Variants in MYO5B observed in about 807,000 individuals in gnomAD.
MYO5B encodes the protein myosin VB.
A neutral mutation model predicts 229.3 loss-of-function variants in MYO5B; 143 were observed. The observed-to-expected ratio is 0.62, with a 90% CI of 0.54 to 0.72. The LOEUF is 0.72. Among genes scored for constraint, MYO5B ranks in the 30% least tolerant of loss-of-function variants. The pLI is 0.00. For missense variants in MYO5B, 2,321 were observed against 2,331.0 expected (o/e 1.00, Z 0.09); for synonymous variants, 918 against 885.2 (o/e 1.04, Z -0.66).
In MYO5B at chr18:50,055,343, T is replaced by A. The variant is rs1255667011; in HGVS notation, c.63A>T (p.Val21=). The A allele has an allele frequency of 6.2e-7, 1 of 1,610,522 alleles. No homozygotes were observed. Among genetic ancestry groups the A allele is most frequent in the Non-Finnish European group, 8.5e-7 (1 of 1,178,588 alleles). Residue 21 remains valine (V), a synonymous_variant, in exon 2 of 40, where the codon GTA becomes GTT. Transcript: ENST00000285039. ...CCTTGGTTAACTCAGCTGAGCGCCA[T>A]ACCTCATCAGGGTCAGGGATCCAGA... ...TRVWIPDPDE[V]WRSAELTKDY...
At position 49,936,214 on chromosome 18, in the gene MYO5B, G is replaced by C. The variant is rs1216201411; in HGVS notation, c.2003+38C>G. ...CACCCTGTTCCACCTGAACCTCTAA[G>C]GCTGGGCTGGACAGGCTAATGCCCA... is the stretch of plus-strand genomic sequence containing the variant. On this transcript the variant is annotated intron_variant, in intron 16 of 39. Coordinates refer to ENST00000285039, the MANE Select transcript of MYO5B (RefSeq NM_001080467.3). 4 of 1,523,974 alleles carry C rather than the reference G, an allele frequency of 2.6e-6. No homozygotes were observed. The Admixed American group carries it at 7.7e-5, about 29-fold the overall frequency. 94.4% of individuals were successfully genotyped at this position (1,523,974 alleles called of 1,614,324 possible).
Position 49,994,148 on chromosome 18 carries a change from T to C in MYO5B, c.613-1717A>G, listed in dbSNP as rs554519317. Among the ~76,000 whole-genome samples, 7 of 152,224 alleles carry C rather than the reference T, an allele frequency of 4.6e-5. No homozygotes were observed. The South Asian group carries it at 1.2e-3, about 27-fold the overall frequency. On this transcript the variant is annotated intron_variant, in intron 5 of 39. Coordinates refer to ENST00000285039, the MANE Select transcript of MYO5B (RefSeq NM_001080467.3). ...AGCAAGCCTTCCCTGATCCCGAGAC[T>C]AGGGGAGCACCTCCTGCCATATGCT...
At chr18:50,173,964 G>A (rs780098609) in intron 1 of MYO5B, among the ~76,000 whole-genome samples, 2 of 152,134 alleles carry the variant, frequency 1.3e-5, no homozygotes, top group African/African-American at 4.8e-5. Flanking sequence ...GGCGTTTCTG[G>A]AAGAGATTGG....
chr18:50,151,968 C>T (rs905395349), intron 1 of MYO5B, among the ~76,000 whole-genome samples: 16 of 152,318 alleles, frequency 1.1e-4, no homozygotes, highest in Admixed American at 9.8e-4. Context: ...CCTGGGGGAA[C>T]ATCCGCCCCG....
At chr18:50,068,004 T>C (rs2030863870) in intron 1 of MYO5B, among the ~76,000 whole-genome samples, 1 of 123,696 alleles carries the variant, frequency 8.1e-6, no homozygotes, top group South Asian at 2.2e-4. Flanking sequence ...CATACATACA[T>C]ATATACACAC....
chr18:50,049,263 G>T (rs75479512), intron 2 of MYO5B, among the ~76,000 whole-genome samples: 7,482 of 152,130 alleles, frequency 0.049, 211 homozygotes, highest in African/African-American at 0.073. Flanking sequence ...TCAGACTCTG[G>T]CACATAATTG....
intron 17 of MYO5B, among the ~76,000 whole-genome samples, chr18:49,925,061 C>T (rs1320229894): frequency 6.6e-6 from 1 of 152,220 alleles, no homozygotes; most frequent in African/African-American, 2.4e-5. Context: ...CTAGTTCAGG[C>T]CATGCTGGGA....
At chr18:50,021,718 T>TAA (rs34172106) in intron 4 of MYO5B, among the ~76,000 whole-genome samples, 30,017 of 119,528 alleles carry the variant, frequency 0.25, 4,498 homozygotes, top group African/African-American at 0.37. Flanking sequence ...CCCATCTGCG[T>TAA]AAAAAAAAAA....
chr18:50,104,765 C>G (rs2031724420), intron 1 of MYO5B, among the ~76,000 whole-genome samples: 1 of 152,232 alleles, frequency 6.6e-6, no homozygotes, highest in Admixed American at 6.5e-5. Flanking sequence ...GGGGAAAATT[C>G]TTTTATCCAG....
intron 1 of MYO5B, among the ~76,000 whole-genome samples, chr18:50,060,762 C>T (rs2030667433): frequency 6.6e-6 from 1 of 152,134 alleles, no homozygotes; most frequent in African/African-American, 2.4e-5. Flanking sequence ...CCAACTATGA[C>T]AAGAGCCTGA....
chr18:50,158,279 G>A (rs1044129383), intron 1 of MYO5B, among the ~76,000 whole-genome samples: 1 of 152,166 alleles, frequency 6.6e-6, no homozygotes, highest in Non-Finnish European at 1.5e-5. Context: ...AGAAATAGAT[G>A]GAAGATCCCT....
chr18:49,920,106 A>C (rs928993758), intron 17 of MYO5B, among the ~76,000 whole-genome samples: 1 of 152,194 alleles, frequency 6.6e-6, no homozygotes, highest in African/African-American at 2.4e-5. Context: ...AATCCAAACT[A>C]GGCAAATCTA....
At chr18:50,103,999 TAAAA>T (rs34686037) in intron 1 of MYO5B, among the ~76,000 whole-genome samples, 3 of 131,846 alleles carry the variant, frequency 2.3e-5, no homozygotes, top group Non-Finnish European at 3.3e-5. Context: ...CCATCTCCAT[TAAAA>T]AAAAAAAAAA....
chr18:50,079,636 C>T (rs1427954379), intron 1 of MYO5B, among the ~76,000 whole-genome samples: 1 of 152,224 alleles, frequency 6.6e-6, no homozygotes, highest in Non-Finnish European at 1.5e-5. Context: ...TGGCTGACTC[C>T]TCTTCTGCAC....
At chr18:49,961,691 C>G (rs1246543577) in intron 12 of MYO5B, among the ~76,000 whole-genome samples, 1 of 152,210 alleles carries the variant, frequency 6.6e-6, no homozygotes, top group Non-Finnish European at 1.5e-5. Context: ...GAGCAGGAAA[C>G]CAGAGGCTAA....
intron 21 of MYO5B, among the ~76,000 whole-genome samples, chr18:49,899,315 G>A (rs1346219045): frequency 6.6e-6 from 1 of 152,152 alleles, no homozygotes; most frequent in Non-Finnish European, 1.5e-5. Context: ...AATGAAACAA[G>A]CCCCTATATA....
chr18:49,939,152 T>C (rs549918608), intron 14 of MYO5B, among the ~76,000 whole-genome samples: 21 of 147,600 alleles, frequency 1.4e-4, no homozygotes, highest in African/African-American at 4.2e-4. Flanking sequence ...TTTTTTCTTT[T>C]TTTTTTTTTT....
intron 14 of MYO5B, among the ~76,000 whole-genome samples, chr18:49,943,684 A>G (rs1790795): frequency 0.59 from 89,161 of 152,044 alleles, 26,633 homozygotes; most frequent in Middle Eastern, 0.73. Context: ...TTGTGCTAGG[A>G]ACTGGTAAAA....
At chr18:50,112,194 T>A (rs565894436) in intron 1 of MYO5B, among the ~76,000 whole-genome samples, 1 of 152,084 alleles carries the variant, frequency 6.6e-6, no homozygotes, top group Non-Finnish European at 1.5e-5. Flanking sequence ...CTCCTAAATA[T>A]TGAGTAGGGA....
Sources: gnomAD v4.1 joint callset for allele counts (sites outside exome capture counted in the v4.1 genomes callset) on GRCh38, gnomAD v4.1.1 for gene constraint, MANE v1.5 for transcripts, NCBI Gene and HGNC (gene_info 2026-07-23, HGNC 2026-07-21) for gene names.